The following NALF1 variants were observed in gnomAD, a reference collection of about 807,000 sequenced individuals.
NALF1 encodes family with sequence similarity 155 member A.
In NALF1, 3 loss-of-function variants were observed where a neutral mutation model predicts 48.4. That is an observed-to-expected ratio of 0.06 (90% CI 0.03 to 0.16). NALF1 has a LOEUF of 0.16. Ranked by LOEUF, NALF1 falls within the 10% of genes least tolerant of loss-of-function variation. The pLI, the probability that NALF1 is intolerant of heterozygous loss-of-function variation, is 1.00. For missense variants in NALF1, 526 were observed against 571.5 expected, an observed-to-expected ratio of 0.92 and a Z score of 0.81; for synonymous variants, 262 against 245.7, an observed-to-expected ratio of 1.07 and a Z score of -0.62.
intron 1 of NALF1, among the ~76,000 whole-genome samples, chr13:107,212,390 T>C (rs1376646862): frequency 6.6e-6 from 1 of 152,190 alleles, no homozygotes; most frequent in Non-Finnish European, 1.5e-5. Context: ...CGTAACAGTG[T>C]ACACTGAAAA....
At position 107,724,331 on chromosome 13, in the gene NALF1, C is replaced by CA. The variant is rs147875906; in HGVS notation, c.915+141350dup. On this transcript the variant is annotated intron_variant, in intron 1 of 2. Coordinates refer to ENST00000375915, the MANE Select transcript of NALF1 (RefSeq NM_001080396.3). ...CATATTGCTAAAGTTTTACCTAATA[C>CA]AAAAAAAAATGATTAAAAAAGAAAT... 5.4e-3 allele frequency among the ~76,000 whole-genome samples: 797 copies of CA among 148,370 alleles called. 6 individuals carry two copies. The highest frequency in any genetic ancestry group is 7.2e-3 in the Non-Finnish European group (480 of 66,818).
chr13:107,352,095 T>C (rs921128069), intron 1 of NALF1, among the ~76,000 whole-genome samples: 2 of 152,326 alleles, frequency 1.3e-5, no homozygotes, highest in African/African-American at 2.4e-5. Context: ...TTTACATGCA[T>C]ACAAATTCGG....
intron 1 of NALF1, among the ~76,000 whole-genome samples, chr13:107,324,476 G>A (rs1426118676): frequency 6.6e-6 from 1 of 152,094 alleles, no homozygotes; most frequent in Non-Finnish European, 1.5e-5. Context: ...ATTTCTGGGA[G>A]TGGGGGGAAG....
chr13:107,672,133 A>AAGG (rs1881005758), intron 1 of NALF1, among the ~76,000 whole-genome samples: 9 of 152,248 alleles, frequency 5.9e-5, no homozygotes, highest in Middle Eastern at 3.4e-3. Context: ...GTATTCATCA[A>AAGG]TTAACACTCT....
chr13:107,349,421 G>A (rs981012916), intron 1 of NALF1, among the ~76,000 whole-genome samples: 1 of 152,094 alleles, frequency 6.6e-6, no homozygotes, highest in Non-Finnish European at 1.5e-5. Flanking sequence ...TCTGTGGAAG[G>A]CACAATTAGT....
intron 1 of NALF1, among the ~76,000 whole-genome samples, chr13:107,693,866 C>T (rs1881632424): frequency 6.6e-6 from 1 of 152,168 alleles, no homozygotes; most frequent in Non-Finnish European, 1.5e-5. Context: ...ACTTGTTTCA[C>T]ACACTGACTT....
intron 1 of NALF1, among the ~76,000 whole-genome samples, chr13:107,589,623 C>T (rs1047285427): frequency 4.0e-5 from 6 of 151,874 alleles, no homozygotes; most frequent in Non-Finnish European, 7.4e-5. Flanking sequence ...TAGATCACAC[C>T]TGTTTAGTTT....
At chr13:107,618,741 T>G (rs1879446551) in intron 1 of NALF1, among the ~76,000 whole-genome samples, 1 of 152,102 alleles carries the variant, frequency 6.6e-6, no homozygotes, top group African/African-American at 2.4e-5. Context: ...ACTGACCACT[T>G]GTTAGGTGGC....
At chr13:107,810,435 G>C (rs1878953071) in intron 1 of NALF1, among the ~76,000 whole-genome samples, 1 of 151,856 alleles carries the variant, frequency 6.6e-6, no homozygotes, top group African/African-American at 2.4e-5. Context: ...TGCTCTCTAG[G>C]TTCTTTCCCA....
At position 107,550,901 on chromosome 13, in the gene NALF1, GA is replaced by G. The variant is rs75862379; in HGVS notation, c.915+314780del. On this transcript the variant is annotated intron_variant, in intron 1 of 2. Coordinates refer to ENST00000375915, the MANE Select transcript of NALF1 (RefSeq NM_001080396.3). The stretch of plus-strand genomic sequence containing the variant: ...TTATTTCACTATTTATTGACATTCA[GA>G]AAAAAAAAAAACTTATTGTTTGTGC... Among the ~76,000 whole-genome samples the G allele has an allele frequency of 8.6e-3, 1,243 of 145,362 alleles. 12 individuals are homozygous for G. Among genetic ancestry groups the G allele is most frequent in the Middle Eastern group, 0.011 (3 of 276 alleles).
intron 1 of NALF1, among the ~76,000 whole-genome samples, chr13:107,215,348 C>G (rs528476111): frequency 1.3e-5 from 2 of 152,258 alleles, no homozygotes; most frequent in South Asian, 2.1e-4. Flanking sequence ...ACCTCCAGAC[C>G]TACGTCCACA....
chr13:107,848,127 C>G (rs1880218438), intron 1 of NALF1, among the ~76,000 whole-genome samples: 1 of 152,144 alleles, frequency 6.6e-6, no homozygotes. Context: ...TAGATGATGC[C>G]TTTTGTTGCT....
chr13:107,761,718 G>C (rs575283406), intron 1 of NALF1, among the ~76,000 whole-genome samples: 3 of 152,168 alleles, frequency 2.0e-5, no homozygotes, highest in Non-Finnish European at 4.4e-5. Flanking sequence ...AAATAAGGAA[G>C]TGGGGTTCCA....
At chr13:107,302,898 A>G (rs1229191254) in intron 1 of NALF1, among the ~76,000 whole-genome samples, 3 of 152,122 alleles carry the variant, frequency 2.0e-5, no homozygotes, top group African/African-American at 7.2e-5. Context: ...TAAACATGTG[A>G]AAAACATTGT....
Position 107,243,624 on chromosome 13 carries a change from T to C in NALF1, c.916-32869A>G, listed in dbSNP as rs546822065. Among the ~76,000 whole-genome samples the C allele has an allele frequency of 4.6e-5, 7 of 152,294 alleles. No homozygotes were observed. The South Asian group carries it at 1.5e-3, about 32-fold the overall frequency. ...TGGAAGCAATGAATGGATAAATAAATGAGTTGTGCATCTGTTTGTAGAGAA... is the reference window on the plus strand; with the variant it reads ...TGGAAGCAATGAATGGATAAATAAACGAGTTGTGCATCTGTTTGTAGAGAA... On this transcript the variant is annotated intron_variant, in intron 1 of 2. Coordinates refer to ENST00000375915, the MANE Select transcript of NALF1 (RefSeq NM_001080396.3).
intron 1 of NALF1, among the ~76,000 whole-genome samples, chr13:107,784,408 T>C (rs1878011957): frequency 6.6e-6 from 1 of 152,216 alleles, no homozygotes. Context: ...TCCTAGTAAA[T>C]TATTCACTCA....
chr13:107,649,327 A>G (rs1013531523), intron 1 of NALF1, among the ~76,000 whole-genome samples: 3 of 152,250 alleles, frequency 2.0e-5, no homozygotes, highest in Non-Finnish European at 4.4e-5. Flanking sequence ...AGATTAAAAC[A>G]TCAAGAAGCA....
chr13:107,763,671 G>A (rs1386919740), intron 1 of NALF1, among the ~76,000 whole-genome samples: 4 of 151,956 alleles, frequency 2.6e-5, no homozygotes, highest in Admixed American at 6.6e-5. Context: ...TGATGACTTC[G>A]GTCATTGACT....
At chr13:107,674,519 C>A (rs1346932457) in intron 1 of NALF1, among the ~76,000 whole-genome samples, 1 of 152,134 alleles carries the variant, frequency 6.6e-6, no homozygotes, top group Non-Finnish European at 1.5e-5. Context: ...GGGAGATTGG[C>A]ATTTATTCAT....
Sources: allele counts gnomAD v4.1 joint callset (sites outside exome capture counted in the v4.1 genomes callset), GRCh38; gene constraint gnomAD v4.1.1; transcripts MANE v1.5; gene names NCBI Gene and HGNC (gene_info 2026-07-23, HGNC 2026-07-21).